Variants in ERICH6 observed in about 807,000 individuals in gnomAD.
ERICH6 encodes the protein glutamate-rich protein 6.
ERICH6 carries 71 observed loss-of-function variants against 71.0 expected under a neutral mutation model. The observed-to-expected ratio is 1.00, with a 90% CI of 0.83 to 1.22. ERICH6 has a LOEUF of 1.22. Among genes scored for constraint, ERICH6 ranks in the 50% most tolerant of loss-of-function variants. The pLI is 0.00. For missense variants in ERICH6, 808 were observed against 797.2 expected (o/e 1.01, Z -0.16); for synonymous variants, 262 against 278.4 (o/e 0.94, Z 0.59).
intron 3 of ERICH6, among the ~76,000 whole-genome samples, chr3:150,690,122 A>T (rs577259958): frequency 2.0e-5 from 3 of 152,320 alleles, no homozygotes; most frequent in African/African-American, 7.2e-5. Flanking sequence ...CTTTGCCCAG[A>T]GCTCAGCGAT....
chr3:150,670,424 G>A (rs376444644), intron 11 of ERICH6, among the ~76,000 whole-genome samples: 2 of 148,310 alleles, frequency 1.3e-5, no homozygotes, highest in South Asian at 4.3e-4. Flanking sequence ...GGAGGTTGCA[G>A]TGAGCCAAGA....
At chr3:150,702,422 G>A (rs1712923475) in intron 1 of ERICH6, among the ~76,000 whole-genome samples, 1 of 152,054 alleles carries the variant, frequency 6.6e-6, no homozygotes, top group African/African-American at 2.4e-5. Context: ...GACTACAGGC[G>A]CACGCCGCCA....
rs34624356 is a variant in ERICH6, at chr3:150,700,241, A to ATTT, written c.462-1362_462-1360dup. Among the ~76,000 whole-genome samples the ATTT allele has an allele frequency of 6.6e-3, 735 of 110,958 alleles. 11 individuals carry two copies. The highest frequency in any genetic ancestry group is 0.026 in the South Asian group (88 of 3,408). The allele number at this position is 110,958 out of a possible 152,430, so 72.8% of individuals were successfully genotyped here. ...AGGCGTCCGCCACCATGCCCGGCTA[A>ATTT]TTTTTTTTTTTTTTTTTTTTTTTTT... On this transcript the variant is annotated intron_variant, in intron 2 of 13. Coordinates refer to ENST00000295910, the MANE Select transcript of ERICH6 (RefSeq NM_152394.5).
intron 7 of ERICH6, among the ~76,000 whole-genome samples, chr3:150,681,739 C>T (rs1391444891): frequency 1.3e-5 from 2 of 151,260 alleles, no homozygotes; most frequent in African/African-American, 4.9e-5. Flanking sequence ...TATACCCATC[C>T]TAATGGGTGT....
intron 4 of ERICH6, 124 bp downstream of exon 4, chr3:150,686,174 T>G: frequency 7.8e-7 from 1 of 1,282,852 alleles, no homozygotes; most frequent in Admixed American, 1.8e-5. Context: ...TTTCGCCACC[T>G]TCTCACACCT....
At chr3:150,703,234 A>G (rs1712987852) in intron 1 of ERICH6, among the ~76,000 whole-genome samples, 1 of 152,018 alleles carries the variant, frequency 6.6e-6, no homozygotes, top group African/African-American at 2.4e-5. Context: ...TAAAAAAAAA[A>G]AAGCACTTCA....
intron 11 of ERICH6, among the ~76,000 whole-genome samples, chr3:150,671,974 C>A (rs2108046938): frequency 6.6e-6 from 1 of 152,030 alleles, no homozygotes; most frequent in East Asian, 1.9e-4. Flanking sequence ...GGTAACTATG[C>A]CACAAAGTAT....
chr3:150,673,910 T>C lies in ERICH6; in HGVS notation c.1343+46A>G. The C allele has an allele frequency of 1.9e-6, 3 of 1,577,592 alleles. No homozygotes were observed. In the South Asian group the frequency reaches 3.3e-5, roughly 18 times the overall value. ...ATTTCCTTCCTTGAGCTTTCTTTTT[T>C]TTGAAGTAATAAAGCTAATAAAAAT... On this transcript the variant is annotated intron_variant, in intron 11 of 13. Coordinates refer to ENST00000295910, the MANE Select transcript of ERICH6 (RefSeq NM_152394.5).
chr3:150,688,585 C>G (rs895610506), intron 3 of ERICH6, among the ~76,000 whole-genome samples: 2 of 152,182 alleles, frequency 1.3e-5, no homozygotes, highest in Non-Finnish European at 2.9e-5. Context: ...AAAAGTCAAC[C>G]TGGGAACTGC....
intron 11 of ERICH6, among the ~76,000 whole-genome samples, chr3:150,670,094 C>A (rs2108044818): frequency 6.6e-6 from 1 of 152,080 alleles, no homozygotes; most frequent in East Asian, 1.9e-4. Flanking sequence ...ACAATTAAAA[C>A]TATACTTAAT....
rs904101611 is a variant in ERICH6 at position 150,703,521 on chromosome 3, T to C, written c.378A>G (p.Pro126=). Residue 126 remains proline, a synonymous_variant, in exon 1 of 14, where the codon CCA becomes CCG. Transcript: ENST00000295910. Reference sequence around the variant, plus strand: ...TTTTATGCGAGGAGGTGCTGGAGGGTGGGCTTGCGCTCGGCGTTTCAGTGC... The same window carrying C: ...TTTTATGCGAGGAGGTGCTGGAGGGCGGGCTTGCGCTCGGCGTTTCAGTGC... The part of the protein sequence containing the change: ...ATSTETPSAS[P]PSSTSSHKSF... 6.2e-7 allele frequency: 1 copy of C among 1,607,014 alleles called. No individual in the cohort carries two copies.
chr3:150,660,149 T>C lies in ERICH6; in HGVS notation c.1735A>G (p.Asn579Asp). 1 of 1,610,052 alleles carries C rather than the reference T, an allele frequency of 6.2e-7. No individual in the cohort carries two copies. The highest frequency in any genetic ancestry group is 2.2e-5 in the East Asian group (1 of 44,784). ...CGGAGGATTGGAATCTCCTCAGGGT[T>C]TGGTAGCTTTTCAGCAAAGAGAAAG... ...ISVGTKVKLP[N>D]PEEIPILRYV... The change falls in exon 14 of 14, where the codon AAC becomes GAC. Residue 579 changes from asparagine to aspartate, a missense_variant. Physicochemically the swap from Asn to Asp is conservative, Grantham distance 23. This residue lies in a region of ERICH6 where 736 missense variants were observed against 712.2 expected (regional missense o/e 1.03). Coordinates refer to ENST00000295910, the MANE Select transcript of ERICH6 (RefSeq NM_152394.5).
intron 11 of ERICH6, among the ~76,000 whole-genome samples, chr3:150,671,018 G>T (rs1711499715): frequency 6.6e-6 from 1 of 152,236 alleles, no homozygotes; most frequent in Middle Eastern, 3.4e-3. Context: ...CCAGCTGCTT[G>T]GGAGACTGAG....
In ERICH6 at chr3:150,698,867, A is replaced by G; in HGVS notation, c.477T>C (p.Asn159=). Residue 159 remains asparagine (N), a synonymous_variant, in exon 3 of 14, where the codon AAT becomes AAC. Transcript: ENST00000295910. ...CTGATACTGGAATTCCTGGAGACAA[A>G]TTGCGATGAATATTTCTGAAATTTC... ...EMSIDRNIHR[N]LSPGIPVSVQ... The G allele has an allele frequency of 6.2e-7, 1 of 1,613,824 alleles. No individual in the cohort carries two copies. Among genetic ancestry groups the G allele is most frequent in the Non-Finnish European group, 8.5e-7 (1 of 1,179,800 alleles).
At chr3:150,682,348 T>TCCACACA in intron 6 of ERICH6, 32 bp from the exon 7 acceptor site, 1 of 1,565,924 alleles carries the variant, frequency 6.4e-7, no homozygotes, top group South Asian at 1.1e-5. Context: ...ATTAAAGAAG[T>TCCACACA]CCCCACAAAG....
chr3:150,666,914 G>A lies in ERICH6; in HGVS notation c.1601C>T (p.Ser534Leu). Reference sequence around the variant, plus strand: ...CAAAGCCAGAAAGACAGGTTTAAATGAAACAAAGGGTGAGGAAGTGATGGA... The same window carrying A: ...CAAAGCCAGAAAGACAGGTTTAAATAAAACAAAGGGTGAGGAAGTGATGGA... ...SNSITSSPFVSFKPVFLALNR... is the reference protein window; with the variant it reads ...SNSITSSPFVLFKPVFLALNR... The change falls in exon 13 of 14, where the codon TCA becomes TTA. Residue 534 changes from serine to leucine, a missense_variant. By Grantham distance (145) the Ser-to-Leu change is moderately radical (BLOSUM62 -2). Around this residue, in one of 3 missense-constraint regions of ERICH6, gnomAD observed 736 missense variants for 712.2 expected, o/e 1.03. Transcript: ENST00000295910. 1.9e-6 allele frequency: 3 copies of A among 1,614,114 alleles called. No individual in the cohort carries two copies. Among genetic ancestry groups the A allele is most frequent in the African/African-American group, 1.3e-5 (1 of 75,028 alleles).
chr3:150,663,753 C>T (rs1222053025), intron 13 of ERICH6, among the ~76,000 whole-genome samples: 3 of 152,130 alleles, frequency 2.0e-5, no homozygotes, highest in Non-Finnish European at 4.4e-5. Flanking sequence ...GCTGGGATTA[C>T]AGGCATAAGC....
intron 13 of ERICH6, among the ~76,000 whole-genome samples, chr3:150,665,827 C>CA (rs530457228): frequency 0.033 from 2,290 of 69,316 alleles, 48 homozygotes; most frequent in African/African-American, 0.059. Flanking sequence ...GGCTCCATCT[C>CA]AAAAAAAAAA....
At position 150,669,320 on chromosome 3, in the gene ERICH6, C is replaced by A. The variant is rs767738267; in HGVS notation, c.1475G>T (p.Cys492Phe). 39 of 1,610,528 alleles carry A rather than the reference C, an allele frequency of 2.4e-5. No individual in the cohort carries two copies. The South Asian group carries it at 4.1e-4, about 17-fold the overall frequency. ...CCAGACATTTCCATTGGGATGATAG[C>A]AGGAACTTCTGCCAGAGGAATCCAG... Reference protein sequence around the residue: ...AVLDSSGRSSCYHPNGNVWVY... With the variant: ...AVLDSSGRSSFYHPNGNVWVY... The change falls in exon 12 of 14, where the codon TGC becomes TTC. Residue 492 changes from cysteine (C) to phenylalanine (F), a missense_variant. Cys to Phe is a radical substitution (Grantham distance 205). Transcript: ENST00000295910.
Sources: allele counts gnomAD v4.1 joint callset (sites outside exome capture counted in the v4.1 genomes callset), GRCh38; gene constraint gnomAD v4.1.1; regional missense constraint gnomAD v4.1.1; transcripts MANE v1.5; gene names NCBI Gene and HGNC (gene_info 2026-07-23, HGNC 2026-07-21).